SAE1: variants seen among roughly 807,000 people sequenced by gnomAD.
SAE1 encodes SUMO-activating enzyme subunit 1.
A neutral mutation model predicts 40.6 loss-of-function variants in SAE1; 11 were observed. The observed-to-expected ratio is 0.27, with a 90% CI of 0.17 to 0.45. The LOEUF (loss-of-function observed/expected upper bound fraction) is 0.45, where lower values mean the gene tolerates loss of function less well. Ranked by LOEUF, SAE1 falls within the 20% of genes least tolerant of loss-of-function variation. The pLI is 1.00. For missense variants in SAE1, 373 were observed against 427.3 expected, an observed-to-expected ratio of 0.87 and a Z score of 1.12; for synonymous variants, 155 against 154.3, an observed-to-expected ratio of 1.00 and a Z score of -0.03.
intron 6 of SAE1, among the ~76,000 whole-genome samples, chr19:47,192,760 A>T (rs762595437): frequency 6.6e-6 from 1 of 151,168 alleles, no homozygotes; most frequent in Non-Finnish European, 1.5e-5. Flanking sequence ...GGCTGGTCTC[A>T]AACTCCTGAC....
chr19:47,175,840 ACT>A (rs1457050621), intron 6 of SAE1, among the ~76,000 whole-genome samples: 1 of 151,986 alleles, frequency 6.6e-6, no homozygotes, highest in Non-Finnish European at 1.5e-5. Context: ...AGTAGAAAAA[ACT>A]CTGGTGCAGA....
At chr19:47,169,224 G>C (rs1424654449) in intron 5 of SAE1, among the ~76,000 whole-genome samples, 1 of 152,080 alleles carries the variant, frequency 6.6e-6, no homozygotes, top group Non-Finnish European at 1.5e-5. Context: ...CCTGTAGTAT[G>C]AATACAGCCA....
intron 7 of SAE1, among the ~76,000 whole-genome samples, chr19:47,198,051 T>C (rs1032681783): frequency 2.6e-5 from 4 of 152,098 alleles, no homozygotes; most frequent in Admixed American, 2.6e-4. Flanking sequence ...TTTGCTCTCA[T>C]AAACAGGCTT....
chr19:47,160,213 C>CA (rs2058350440), intron 5 of SAE1, among the ~76,000 whole-genome samples: 2 of 102,782 alleles, frequency 1.9e-5, no homozygotes, highest in Admixed American at 2.4e-4. Context: ...CAAAATCCTG[C>CA]ATTTTTTTTT....
intron 8 of SAE1, 74 bp downstream of exon 8, chr19:47,203,814 G>A (rs1181785388): frequency 7.7e-7 from 1 of 1,299,138 alleles, no homozygotes; most frequent in Non-Finnish European, 1.1e-6. Context: ...AATGGAAACT[G>A]TCTTAGACAG....
intron 2 of SAE1, 65 bp downstream of exon 2, chr19:47,143,670 A>AT: frequency 1.6e-6 from 2 of 1,214,424 alleles, no homozygotes; most frequent in South Asian, 2.4e-5. Context: ...AGATCTGCAG[A>AT]TTTTGTGAGT....
chr19:47,182,875 T>C (rs1453362922), intron 6 of SAE1, among the ~76,000 whole-genome samples: 1 of 152,076 alleles, frequency 6.6e-6, no homozygotes, highest in African/African-American at 2.4e-5. Context: ...TTGAGGCCAA[T>C]AGTCCAAGAC....
intron 1 of SAE1, among the ~76,000 whole-genome samples, chr19:47,132,712 C>T (rs1481218386): frequency 6.6e-6 from 1 of 151,762 alleles, no homozygotes; most frequent in Non-Finnish European, 1.5e-5. Flanking sequence ...TGTTGCCAAA[C>T]CCAGTCTCTA....
intron 5 of SAE1, 52 bp from the exon 6 acceptor site, chr19:47,169,766 G>C: frequency 8.2e-7 from 1 of 1,212,376 alleles, no homozygotes; most frequent in Non-Finnish European, 1.2e-6. Flanking sequence ...ACTGCCTTGT[G>C]ATTGGAAGCC....
chr19:47,139,812 A>G (rs2058207607), intron 1 of SAE1, among the ~76,000 whole-genome samples: 1 of 140,090 alleles, frequency 7.1e-6, no homozygotes, highest in African/African-American at 2.7e-5. Flanking sequence ...CATGTTAGCC[A>G]GGATGATCTC....
chr19:47,165,046 A>G (rs1398313671), intron 5 of SAE1, among the ~76,000 whole-genome samples: 11 of 147,780 alleles, frequency 7.4e-5, no homozygotes, highest in African/African-American at 2.8e-4. Context: ...TGGCCTCCCA[A>G]AGTGCTGGGA....
intron 3 of SAE1, among the ~76,000 whole-genome samples, chr19:47,151,467 C>G (rs1323334686): frequency 6.8e-6 from 1 of 147,902 alleles, no homozygotes; most frequent in East Asian, 2.0e-4. Context: ...TTACACTTTT[C>G]TTTCTTTCTT....
chr19:47,189,598 C>G (rs888227465), intron 6 of SAE1, among the ~76,000 whole-genome samples: 2 of 152,000 alleles, frequency 1.3e-5, no homozygotes, highest in Non-Finnish European at 2.9e-5. Flanking sequence ...TGAGCCAACC[C>G]TGGGGAGGAG....
chr19:47,181,047 T>G (rs971920587), intron 6 of SAE1, among the ~76,000 whole-genome samples: 2 of 152,130 alleles, frequency 1.3e-5, no homozygotes, highest in African/African-American at 4.8e-5. Flanking sequence ...CCCGGCGTGG[T>G]GGCTCACGCC....
chr19:47,173,389 C>T (rs1020647316), intron 6 of SAE1, among the ~76,000 whole-genome samples: 1 of 152,162 alleles, frequency 6.6e-6, no homozygotes, highest in Non-Finnish European at 1.5e-5. Flanking sequence ...ACCCCTCCAA[C>T]CCCGTAACTT....
intron 8 of SAE1, among the ~76,000 whole-genome samples, chr19:47,204,187 C>CTTTTTTT (rs57736880): frequency 1.1e-4 from 9 of 82,126 alleles, no homozygotes; most frequent in African/African-American, 4.1e-4. Context: ...AAAGCCCTCC[C>CTTTTTTT]TTTTTTTTTT....
At chr19:47,195,631 C>T (rs1038576004) in intron 6 of SAE1, among the ~76,000 whole-genome samples, 1 of 151,958 alleles carries the variant, frequency 6.6e-6, no homozygotes, top group African/African-American at 2.4e-5. Flanking sequence ...GTGTACCTCC[C>T]ACTCCTTATC....
In SAE1 at chr19:47,210,406, G is replaced by A. The variant is rs147333505; in HGVS notation, c.*1155G>A. The A allele has an allele frequency of 1.9e-4, 29 of 152,224 alleles. No homozygotes were observed. Among genetic ancestry groups the A allele is most frequent in the African/African-American group, 6.7e-4 (28 of 41,546 alleles). The allele number at this position is 152,224 out of a possible 1,614,324, so 9.4% of individuals were successfully genotyped here. On this transcript the variant is annotated 3_prime_UTR_variant, in exon 9 of 9. Transcript: ENST00000270225. ...CTCCAGTTGTCTAATGGATAATTCAGCTAAATAGTGGCTATTTTCAGTGGC... is the reference window on the plus strand; with the variant it reads ...CTCCAGTTGTCTAATGGATAATTCAACTAAATAGTGGCTATTTTCAGTGGC...
intron 5 of SAE1, among the ~76,000 whole-genome samples, chr19:47,158,667 C>G (rs1355362540): frequency 6.6e-6 from 1 of 152,206 alleles, no homozygotes; most frequent in African/African-American, 2.4e-5. Context: ...CTGCCGCAGC[C>G]AGCTCCTTCC....
Sources: gnomAD v4.1 joint callset for allele counts (sites outside exome capture counted in the v4.1 genomes callset) on GRCh38, gnomAD v4.1.1 for gene constraint, MANE v1.5 for transcripts, NCBI Gene and HGNC (gene_info 2026-07-23, HGNC 2026-07-21) for gene names.